Variants in BNC2 observed in about 807,000 individuals in gnomAD.
BNC2 encodes the protein basonuclin zinc finger protein 2.
A neutral mutation model predicts 76.3 loss-of-function variants in BNC2; 20 were observed. The observed-to-expected ratio is 0.26, with a 90% CI of 0.18 to 0.38. The LOEUF is 0.38. Ranked by LOEUF, BNC2 falls within the 10% of genes least tolerant of loss-of-function variation. BNC2 has a pLI of 1.00. For missense variants in BNC2, 1,382 were observed against 1,399.8 expected (o/e 0.99, Z 0.20); for synonymous variants, 582 against 514.8 (o/e 1.13, Z -1.77).
chr9:16,834,353 A>T (rs1818653048), intron 1 of BNC2, among the ~76,000 whole-genome samples: 1 of 152,206 alleles, frequency 6.6e-6, no homozygotes, highest in African/African-American at 2.4e-5. Context: ...AACACTCCAA[A>T]AACAGATCAA....
At chr9:16,437,588 T>A (rs1370954767) in intron 5 of BNC2, 64 bp from the exon 6 acceptor site, 2 of 1,564,326 alleles carry the variant, frequency 1.3e-6, no homozygotes, top group African/African-American at 2.7e-5. Context: ...TGCATAATTA[T>A]TCAATGCAAC....
intron 1 of BNC2, among the ~76,000 whole-genome samples, chr9:16,797,219 G>C (rs1817679374): frequency 2.0e-5 from 3 of 151,920 alleles, no homozygotes; most frequent in Admixed American, 1.3e-4. Flanking sequence ...AAAGTAACAA[G>C]CAAGTTGAAC....
At chr9:16,861,586 C>A (rs899881918) in intron 1 of BNC2, among the ~76,000 whole-genome samples, 2 of 152,042 alleles carry the variant, frequency 1.3e-5, no homozygotes, top group Admixed American at 1.3e-4. Flanking sequence ...ACATCACTAG[C>A]CATCAGGCAA....
chr9:16,632,891 T>G (rs894409719), intron 3 of BNC2, among the ~76,000 whole-genome samples: 1 of 152,164 alleles, frequency 6.6e-6, no homozygotes, highest in African/African-American at 2.4e-5. Context: ...GAAAACAATA[T>G]AATCGAGTTT....
At chr9:16,687,201 T>A (rs1823004608) in intron 3 of BNC2, among the ~76,000 whole-genome samples, 1 of 150,046 alleles carries the variant, frequency 6.7e-6, no homozygotes, top group Non-Finnish European at 1.5e-5. Flanking sequence ...TTTCCAAGAA[T>A]TTAATTTTAA....
At chr9:16,549,089 A>C (rs547879725) in intron 5 of BNC2, among the ~76,000 whole-genome samples, 2 of 152,298 alleles carry the variant, frequency 1.3e-5, no homozygotes, top group South Asian at 4.1e-4. Flanking sequence ...CTTAAACCAC[A>C]TACTTTTGAA....
At chr9:16,526,360 A>G (rs1404251312) in intron 5 of BNC2, among the ~76,000 whole-genome samples, 4 of 152,048 alleles carry the variant, frequency 2.6e-5, no homozygotes, top group Non-Finnish European at 5.9e-5. Context: ...CCAAATGAAA[A>G]CCAAACCAAC....
chr9:16,859,344 C>T (rs1394101557), intron 1 of BNC2, among the ~76,000 whole-genome samples: 1 of 152,180 alleles, frequency 6.6e-6, no homozygotes, highest in Non-Finnish European at 1.5e-5. Context: ...CCCACTTCTA[C>T]ATATATGTCC....
chr9:16,561,971 C>A (rs1411648001), intron 4 of BNC2, among the ~76,000 whole-genome samples: 1 of 152,124 alleles, frequency 6.6e-6, no homozygotes, highest in African/African-American at 2.4e-5. Context: ...AGCCACTACA[C>A]TCCAGCCTGA....
intron 3 of BNC2, among the ~76,000 whole-genome samples, chr9:16,692,732 G>C (rs924555936): frequency 2.6e-5 from 4 of 152,300 alleles, no homozygotes; most frequent in Middle Eastern, 3.4e-3. Flanking sequence ...CTCACTTAGG[G>C]ACCAAGGGCC....
chr9:16,518,874 T>G (rs1817523939), intron 5 of BNC2, among the ~76,000 whole-genome samples: 1 of 152,196 alleles, frequency 6.6e-6, no homozygotes, highest in East Asian at 1.9e-4. Flanking sequence ...GTGCAGGGAT[T>G]ACAGGCGTGA....
intron 3 of BNC2, among the ~76,000 whole-genome samples, chr9:16,639,948 A>T (rs1159602059): frequency 6.6e-6 from 1 of 152,110 alleles, no homozygotes; most frequent in Non-Finnish European, 1.5e-5. Context: ...TCCAAAGTGG[A>T]TTACATTTTT....
At chr9:16,694,380 A>G (rs1240242019) in intron 3 of BNC2, among the ~76,000 whole-genome samples, 1 of 152,224 alleles carries the variant, frequency 6.6e-6, no homozygotes, top group Non-Finnish European at 1.5e-5. Context: ...AAGTTTCAGT[A>G]GCATACACAG....
At chr9:16,426,774 T>C (rs1223689377) in intron 6 of BNC2, among the ~76,000 whole-genome samples, 3 of 152,092 alleles carry the variant, frequency 2.0e-5, no homozygotes, top group Non-Finnish European at 4.4e-5. Context: ...TGAAGTTCTT[T>C]TTACTTTTTA....
chr9:16,527,954 T>C (rs1398380246), intron 5 of BNC2, among the ~76,000 whole-genome samples: 4 of 152,152 alleles, frequency 2.6e-5, no homozygotes, highest in African/African-American at 9.7e-5. Flanking sequence ...TAAATTACGG[T>C]TCTTAACAAT....
intron 1 of BNC2, among the ~76,000 whole-genome samples, chr9:16,821,922 T>C (rs888114837): frequency 1.3e-5 from 2 of 151,870 alleles, no homozygotes; most frequent in African/African-American, 2.4e-5. Context: ...TGAAACCCTG[T>C]CTCTACTAAA....
At chr9:16,768,205 A>G (rs1416590587) in intron 1 of BNC2, among the ~76,000 whole-genome samples, 2 of 152,018 alleles carry the variant, frequency 1.3e-5, no homozygotes, top group African/African-American at 2.4e-5. Flanking sequence ...ACCTCACGTG[A>G]TCCACCCACC....
rs1362621253 is a variant in BNC2 at position 16,414,464 on chromosome 9, C to T, written c.*4525G>A. On this transcript the variant is annotated 3_prime_UTR_variant, in exon 7 of 7. Transcript: ENST00000380672. Reference sequence around the variant, plus strand: ...AAAGCAAAACCACCTAATTTAAATACTTCAAGTTTGGGAGAAGATAAGTGA... The same window carrying T: ...AAAGCAAAACCACCTAATTTAAATATTTCAAGTTTGGGAGAAGATAAGTGA... 6.6e-6 allele frequency: 1 copy of T among 152,132 alleles called. No homozygotes were observed. Among genetic ancestry groups the T allele is most frequent in the African/African-American group, 2.4e-5 (1 of 41,412 alleles). The allele number at this position is 152,132 out of a possible 1,614,324, so 9.4% of individuals were successfully genotyped here. A position where few individuals can be genotyped will look rare whatever the true frequency, so the allele number is the denominator to read the frequency against.
At position 16,410,958 on chromosome 9, in the gene BNC2, G is replaced by C. The variant is rs9407774; in HGVS notation, c.*8031C>G. ...AAGAGCATCATACCTCATGAATCAT[G>C]CTTCTCGCAGTGGCCACAGCACCGA... On this transcript the variant is annotated 3_prime_UTR_variant, in exon 7 of 7. Coordinates refer to ENST00000380672, the MANE Select transcript of BNC2 (RefSeq NM_017637.6). 0.3 allele frequency: 45,631 copies of C among 152,018 alleles called. 7,353 individuals carry two copies. The highest frequency in any genetic ancestry group is 0.51 in the East Asian group (2,630 of 5,154). The allele number at this position is 152,018 out of a possible 1,614,324, so 9.4% of individuals were successfully genotyped here. A position where few individuals can be genotyped will look rare whatever the true frequency, so the allele number is the denominator to read the frequency against.
Sources: gnomAD v4.1 joint callset for allele counts (sites outside exome capture counted in the v4.1 genomes callset) on GRCh38, gnomAD v4.1.1 for gene constraint, MANE v1.5 for transcripts, NCBI Gene and HGNC (gene_info 2026-07-23, HGNC 2026-07-21) for gene names.